TMEM30A: variants seen among roughly 807,000 people sequenced by gnomAD.
The protein encoded by TMEM30A is cell cycle control protein 50A.
TMEM30A carries 24 observed loss-of-function variants against 38.2 expected under a neutral mutation model. The ratio of observed to expected loss-of-function variants is 0.63; its 90% CI spans 0.46 to 0.88. The LOEUF (loss-of-function observed/expected upper bound fraction) is 0.88, where lower values mean the gene tolerates loss of function less well. Ranked by LOEUF, TMEM30A falls within the 40% of genes least tolerant of loss-of-function variation. TMEM30A has a pLI of 0.00. For synonymous variants in TMEM30A, 145 were observed against 161.6 expected, an observed-to-expected ratio of 0.90 and a Z score of 0.78; for missense variants, 370 against 458.6, an observed-to-expected ratio of 0.81 and a Z score of 1.77.
chr6:75,274,132 C>T (rs960135752), intron 1 of TMEM30A, among the ~76,000 whole-genome samples: 3 of 152,154 alleles, frequency 2.0e-5, no homozygotes, highest in Non-Finnish European at 4.4e-5. Context: ...AAAGGAGAAT[C>T]AAGGAAGACT....
At chr6:75,272,050 T>G (rs16886391) in intron 1 of TMEM30A, among the ~76,000 whole-genome samples, 3,439 of 152,258 alleles carry the variant, frequency 0.023, 87 homozygotes, top group East Asian at 0.12. Context: ...CATTTTGTAT[T>G]TATGGAGTTT....
At position 75,284,548 on chromosome 6, in the gene TMEM30A, T is replaced by C; in HGVS notation, c.91A>G (p.Thr31Ala). ...GGCAGCCGTTGCTGTTTGAAGGCCG[T>C]GTTATCCGGTCTCCGAGTCTTCGCG... Reference protein sequence around the residue: ...GTAKTRRPDNTAFKQQRLPAW... With the variant: ...GTAKTRRPDNAAFKQQRLPAW... Residue 31 changes from threonine to alanine, a missense_variant, in exon 1 of 7, where the codon ACG (threonine) becomes GCG (alanine). Coordinates refer to ENST00000230461, the MANE Select transcript of TMEM30A (RefSeq NM_018247.4). 1 of 1,612,782 alleles carries C rather than the reference T, an allele frequency of 6.2e-7. No homozygotes were observed. Among genetic ancestry groups the C allele is most frequent in the Non-Finnish European group, 8.5e-7 (1 of 1,179,234 alleles).
intron 2 of TMEM30A, 118 bp from the exon 3 acceptor site, chr6:75,265,456 T>C (rs1772053664): frequency 4.1e-6 from 2 of 492,196 alleles, no homozygotes; most frequent in Non-Finnish European, 7.0e-6. Context: ...TTGTGATAGG[T>C]AGTGGGGTAA....
At chr6:75,269,519 C>T (rs929671883) in intron 1 of TMEM30A, among the ~76,000 whole-genome samples, 1 of 152,150 alleles carries the variant, frequency 6.6e-6, no homozygotes. Flanking sequence ...TGTGGATGTG[C>T]CACAGTTTAT....
At chr6:75,274,481 A>G (rs1772226668) in intron 1 of TMEM30A, among the ~76,000 whole-genome samples, 1 of 152,264 alleles carries the variant, frequency 6.6e-6, no homozygotes, top group Non-Finnish European at 1.5e-5. Flanking sequence ...AGAATGCCAG[A>G]CAGAATGCCA....
intron 1 of TMEM30A, among the ~76,000 whole-genome samples, chr6:75,278,803 C>G (rs1772306363): frequency 6.6e-6 from 1 of 152,128 alleles, no homozygotes; most frequent in Non-Finnish European, 1.5e-5. Flanking sequence ...AGCTAATTTG[C>G]TCTTACTCCT....
At chr6:75,273,618 G>A (rs915823556) in intron 1 of TMEM30A, among the ~76,000 whole-genome samples, 1 of 152,094 alleles carries the variant, frequency 6.6e-6, no homozygotes, top group Non-Finnish European at 1.5e-5. Context: ...CCCTGACTGG[G>A]GGCTTGGAAC....
At position 75,265,222 on chromosome 6, in the gene TMEM30A, T is replaced by C. The variant is rs777894038; in HGVS notation, c.453+9A>G. 2.1e-5 allele frequency: 31 copies of C among 1,505,112 alleles called. No individual in the cohort carries two copies. Among genetic ancestry groups the C allele is most frequent in the Non-Finnish European group, 2.6e-5 (28 of 1,093,244 alleles). The allele number at this position is 1,505,112 out of a possible 1,614,324, so 93.2% of individuals were successfully genotyped here. The stretch of plus-strand genomic sequence containing the variant: ...GATATCATATTTTCATATTTATCAT[T>C]TTACTTACAAGCAAAGCACTAGAAT... On this transcript the variant is annotated intron_variant, in intron 3 of 6. Transcript: ENST00000230461.
At chr6:75,262,097 A>G (rs1256862836) in intron 3 of TMEM30A, among the ~76,000 whole-genome samples, 1 of 152,218 alleles carries the variant, frequency 6.6e-6, no homozygotes, top group Non-Finnish European at 1.5e-5. Flanking sequence ...CCCTAATTTC[A>G]GCACTTTGGG....
chr6:75,271,199 C>T (rs1772162048), intron 1 of TMEM30A, among the ~76,000 whole-genome samples: 1 of 152,010 alleles, frequency 6.6e-6, no homozygotes, highest in African/African-American at 2.4e-5. Flanking sequence ...CCTCTCAAAT[C>T]ACTGTTTAGA....
rs2149518727 is a variant in TMEM30A at position 75,259,638 on chromosome 6, T to C, written c.542-148A>G. 4 of 577,232 alleles carry C rather than the reference T, an allele frequency of 6.9e-6. No individual in the cohort carries two copies. In the East Asian group the frequency reaches 1.3e-4, roughly 19 times the overall value. 35.8% of individuals were successfully genotyped at this position (577,232 alleles called of 1,614,324 possible). ...ATGATTCACATTTGTTCTTTATTCC[T>C]ATGTGGATTAACTATGGTAACTTTA... is the stretch of plus-strand genomic sequence containing the variant. On this transcript the variant is annotated intron_variant, in intron 4 of 6. Transcript: ENST00000230461.
At chr6:75,275,535 A>C (rs1772246013) in intron 1 of TMEM30A, among the ~76,000 whole-genome samples, 1 of 152,222 alleles carries the variant, frequency 6.6e-6, no homozygotes, top group Non-Finnish European at 1.5e-5. Flanking sequence ...TTGAAAAATG[A>C]CAACTCCATC....
chr6:75,277,612 T>A lies in TMEM30A; in HGVS notation c.237+6790A>T, dbSNP rs189876327. ...GGCAAGGCCCCATCTCTATTTTTTT[T>A]AAAAAAAGGCCAGGTGCGGTGGCTA... On this transcript the variant is annotated intron_variant, in intron 1 of 6. Coordinates refer to ENST00000230461, the MANE Select transcript of TMEM30A (RefSeq NM_018247.4). 1.6e-4 allele frequency among the ~76,000 whole-genome samples: 24 copies of A among 151,846 alleles called. No individual in the cohort carries two copies. In the East Asian group the frequency reaches 3.5e-3, roughly 22 times the overall value.
At chr6:75,263,562 TAGC>T (rs1396862542) in intron 3 of TMEM30A, among the ~76,000 whole-genome samples, 1 of 152,036 alleles carries the variant, frequency 6.6e-6, no homozygotes, top group Non-Finnish European at 1.5e-5. Flanking sequence ...TTAGAAAAAA[TAGC>T]AGGCCTTGAG....
chr6:75,283,419 A>T (rs574607428), intron 1 of TMEM30A, among the ~76,000 whole-genome samples: 7 of 152,084 alleles, frequency 4.6e-5, no homozygotes, highest in Non-Finnish European at 8.8e-5. Flanking sequence ...AAATTCTCAG[A>T]TATGCAAGAA....
chr6:75,268,924 T>C (rs994006427), intron 1 of TMEM30A, among the ~76,000 whole-genome samples: 1 of 152,224 alleles, frequency 6.6e-6, no homozygotes, highest in African/African-American at 2.4e-5. Context: ...AATTGCAGTA[T>C]ACTGGTTGAT....
chr6:75,284,277 G>C (rs575404427), intron 1 of TMEM30A, 125 bp downstream of exon 1: 10 of 849,392 alleles, frequency 1.2e-5, no homozygotes, highest in South Asian at 2.8e-5. Flanking sequence ...CAGAGGGAAG[G>C]GGGTGGTGGA....
At chr6:75,270,444 G>A (rs1370594866) in intron 1 of TMEM30A, among the ~76,000 whole-genome samples, 2 of 152,120 alleles carry the variant, frequency 1.3e-5, no homozygotes, top group African/African-American at 2.4e-5. Flanking sequence ...TCAGATTTAG[G>A]TGAGGTCATG....
chr6:75,280,333 A>G (rs1461165564), intron 1 of TMEM30A, among the ~76,000 whole-genome samples: 1 of 152,160 alleles, frequency 6.6e-6, no homozygotes, highest in Non-Finnish European at 1.5e-5. Flanking sequence ...TTTCTGTAAG[A>G]GGCCAGAAAG....
Sources: allele counts gnomAD v4.1 joint callset (sites outside exome capture counted in the v4.1 genomes callset), GRCh38; gene constraint gnomAD v4.1.1; transcripts MANE v1.5; gene names NCBI Gene and HGNC (gene_info 2026-07-23, HGNC 2026-07-21).